Variants in DNAH7 observed in about 807,000 individuals in gnomAD.
DNAH7 encodes the protein axonemal beta dynein heavy chain 7.
DNAH7 carries 397 observed loss-of-function variants against 444.6 expected under a neutral mutation model. The ratio of observed to expected loss-of-function variants is 0.89; its 90% CI spans 0.82 to 0.97. The LOEUF is 0.97. Among genes scored for constraint, DNAH7 ranks in the 50% least tolerant of loss-of-function variants. The probability of loss-of-function intolerance (pLI) is 0.00; values close to 1 mark genes in which losing one functional copy is unlikely to be tolerated. For missense variants in DNAH7, 4,902 were observed against 4,800.8 expected (o/e 1.02, Z -0.62); for synonymous variants, 1,636 against 1,624.4 (o/e 1.01, Z -0.17).
chr2:195,796,600 C>T lies in DNAH7; in HGVS notation c.10491G>A (p.Met3497Ile). The change falls in exon 56 of 65, where the codon ATG becomes ATA. Residue 3497 changes from methionine (M) to isoleucine (I), a missense_variant. Coordinates refer to ENST00000312428, the MANE Select transcript of DNAH7 (RefSeq NM_018897.3). ...CCTCACAGACTTTCTCAAGGGTTGG[C>T]ATCCAAGAGGTGGCAAGGTGACAAT... is the stretch of plus-strand genomic sequence containing the variant. ...LQNCHLATSW[M>I]PTLEKVCEEL... 6.2e-7 allele frequency: 1 copy of T among 1,614,108 alleles called. No homozygotes were observed. Among genetic ancestry groups the T allele is most frequent in the Non-Finnish European group, 8.5e-7 (1 of 1,179,982 alleles).
chr2:195,796,226 G>A (rs1696129260), intron 56 of DNAH7, among the ~76,000 whole-genome samples: 2 of 152,188 alleles, frequency 1.3e-5, no homozygotes, highest in African/African-American at 2.4e-5. Flanking sequence ...ATTTCACCTT[G>A]AACAGTCCTC....
intron 19 of DNAH7, among the ~76,000 whole-genome samples, chr2:195,943,754 T>A (rs1405963247): frequency 6.6e-6 from 1 of 152,164 alleles, no homozygotes; most frequent in Admixed American, 6.6e-5. Context: ...TTTCTCAGAT[T>A]ATTAATTGCT....
At chr2:195,955,301 T>C (rs6720156) in intron 19 of DNAH7, among the ~76,000 whole-genome samples, 2,573 of 152,338 alleles carry the variant, frequency 0.017, 64 homozygotes, top group African/African-American at 0.058. Context: ...CCATTTCTTG[T>C]TTTTGTCAGG....
chr2:195,939,933 AC>A (rs1689309515), intron 19 of DNAH7, among the ~76,000 whole-genome samples: 1 of 152,180 alleles, frequency 6.6e-6, no homozygotes. Flanking sequence ...ATATCATGAA[AC>A]TGGCCATACT....
chr2:195,778,633 T>A (rs11288590), intron 58 of DNAH7, among the ~76,000 whole-genome samples: 17,921 of 28,834 alleles, frequency 0.62, 5,002 homozygotes, highest in East Asian at 0.8. Context: ...AAAAAAAAAA[T>A]AAATAAATAA....
intron 54 of DNAH7, among the ~76,000 whole-genome samples, chr2:195,801,094 A>G (rs968980413): frequency 3.9e-5 from 6 of 152,084 alleles, no homozygotes; most frequent in African/African-American, 1.4e-4. Context: ...AAAAGCCCTC[A>G]CCAGAAGCCA....
chr2:195,768,833 T>G (rs1296643018), intron 61 of DNAH7, among the ~76,000 whole-genome samples: 2 of 152,192 alleles, frequency 1.3e-5, no homozygotes, highest in Non-Finnish European at 2.9e-5. Flanking sequence ...GTTCAACATG[T>G]TCGTTTGCTA....
At chr2:195,920,295 T>G (rs375837019) in intron 24 of DNAH7, among the ~76,000 whole-genome samples, 1 of 152,152 alleles carries the variant, frequency 6.6e-6, no homozygotes, top group African/African-American at 2.4e-5. Flanking sequence ...GGTATCACAT[T>G]ACCCAACTTC....
chr2:195,860,422 G>C (rs1026360256), intron 42 of DNAH7, among the ~76,000 whole-genome samples: 1 of 151,896 alleles, frequency 6.6e-6, no homozygotes, highest in Non-Finnish European at 1.5e-5. Flanking sequence ...ATTATCTTGA[G>C]AGCCAAAGAA....
intron 54 of DNAH7, among the ~76,000 whole-genome samples, chr2:195,806,354 G>C (rs1054983990): frequency 9.2e-5 from 14 of 152,208 alleles, no homozygotes; most frequent in African/African-American, 3.4e-4. Context: ...CTATATATAA[G>C]GATAGCACTT....
chr2:195,801,018 T>TA (rs1696423022), intron 54 of DNAH7, among the ~76,000 whole-genome samples: 1 of 152,188 alleles, frequency 6.6e-6, no homozygotes, highest in Non-Finnish European at 1.5e-5. Flanking sequence ...TTAGTTGATA[T>TA]AAAGTCAAGA....
chr2:195,927,133 T>G (rs1688385242), intron 21 of DNAH7, among the ~76,000 whole-genome samples: 1 of 152,112 alleles, frequency 6.6e-6, no homozygotes, highest in East Asian at 1.9e-4. Context: ...CATGGAGAGT[T>G]GAGGGCTGTA....
At chr2:195,977,356 T>C (rs1308565565) in intron 15 of DNAH7, among the ~76,000 whole-genome samples, 3 of 152,120 alleles carry the variant, frequency 2.0e-5, no homozygotes, top group Non-Finnish European at 4.4e-5. Context: ...GTAATTGACA[T>C]ACTGAAGAAT....
chr2:195,739,368 AGCT>A (rs1262463800), intron 64 of DNAH7, among the ~76,000 whole-genome samples: 1 of 152,148 alleles, frequency 6.6e-6, no homozygotes, highest in African/African-American at 2.4e-5. Context: ...CCTGTCTTTG[AGCT>A]GCTGCCAGAA....
At chr2:195,745,586 T>C (rs1693347240) in intron 63 of DNAH7, among the ~76,000 whole-genome samples, 1 of 151,756 alleles carries the variant, frequency 6.6e-6, no homozygotes, top group Admixed American at 6.6e-5. Flanking sequence ...AAGGAAAAAA[T>C]CTTAAGGGCA....
At chr2:195,806,455 T>C (rs375493730) in intron 54 of DNAH7, among the ~76,000 whole-genome samples, 2 of 152,094 alleles carry the variant, frequency 1.3e-5, no homozygotes, top group East Asian at 3.8e-4. Context: ...AGACTACAAA[T>C]ATGTAAAGGG....
chr2:195,908,256 G>A (rs572080591), intron 25 of DNAH7, among the ~76,000 whole-genome samples: 8 of 151,520 alleles, frequency 5.3e-5, no homozygotes, highest in African/African-American at 1.5e-4. Flanking sequence ...CAAATTTATG[G>A]AGTATGTGTG....
At chr2:195,794,623 G>A (rs1696051466) in intron 56 of DNAH7, 85 bp from the exon 57 acceptor site, 3 of 1,262,178 alleles carry the variant, frequency 2.4e-6, no homozygotes, top group Non-Finnish European at 3.4e-6. Flanking sequence ...TGAGTTGGAA[G>A]GGGGAGGAAG....
intron 13 of DNAH7, 83 bp downstream of exon 13, chr2:195,987,874 T>G: frequency 1.6e-6 from 2 of 1,289,184 alleles, no homozygotes; most frequent in Non-Finnish European, 2.1e-6. Flanking sequence ...TCTAATTATC[T>G]GTGTTCTAAA....
Sources: gnomAD v4.1 joint callset for allele counts (sites outside exome capture counted in the v4.1 genomes callset) on GRCh38, gnomAD v4.1.1 for gene constraint, MANE v1.5 for transcripts, NCBI Gene and HGNC (gene_info 2026-07-23, HGNC 2026-07-21) for gene names.